The following SPAG6 variants were observed in gnomAD, a reference collection of about 807,000 sequenced individuals.
The protein encoded by SPAG6 is sperm associated antigen 6.
In SPAG6, 49 loss-of-function variants were observed where a neutral mutation model predicts 58.5. That is an observed-to-expected ratio of 0.84 (90% confidence interval 0.67 to 1.06). The LOEUF is 1.06. Among genes scored for constraint, SPAG6 ranks in the 50% least tolerant of loss-of-function variants. SPAG6 has a pLI of 0.00. For synonymous variants in SPAG6, 233 were observed against 225.6 expected (o/e 1.03, Z -0.29); for missense variants, 560 against 611.3 (o/e 0.92, Z 0.89).
chr10:22,410,815 T>C (rs1348349323), intron 9 of SPAG6, among the ~76,000 whole-genome samples: 1 of 152,192 alleles, frequency 6.6e-6, no homozygotes, highest in Non-Finnish European at 1.5e-5. Flanking sequence ...CCTTTGCCCA[T>C]GTTCATTGCC....
intron 5 of SPAG6, 36 bp from the exon 6 acceptor site, chr10:22,387,787 G>C (rs1160205504): frequency 6.3e-7 from 1 of 1,582,024 alleles, no homozygotes; most frequent in Admixed American, 1.9e-5. Flanking sequence ...ATGCTATATA[G>C]TGTTTTGTTG....
chr10:22,387,779 G>A (rs745733893), intron 5 of SPAG6, 44 bp from the exon 6 acceptor site: 2 of 1,565,126 alleles, frequency 1.3e-6, no homozygotes, highest in South Asian at 2.4e-5. Flanking sequence ...TGTAGTGGAT[G>A]CTATATAGTG....
At chr10:22,391,398 A>G (rs1052935538) in intron 7 of SPAG6, among the ~76,000 whole-genome samples, 5 of 152,218 alleles carry the variant, frequency 3.3e-5, no homozygotes, top group Non-Finnish European at 5.9e-5. Context: ...AAAATTCTAA[A>G]CATTTTTATT....
chr10:22,369,041 G>T (rs1007363620), intron 4 of SPAG6, among the ~76,000 whole-genome samples: 8 of 152,102 alleles, frequency 5.3e-5, no homozygotes, highest in Non-Finnish European at 4.4e-5. Context: ...AATTACTTTT[G>T]CATTAACCTA....
rs1239955554 is a variant in SPAG6 at position 22,389,275 on chromosome 10, A to G, written c.968A>G (p.His323Arg). 3.1e-6 allele frequency: 5 copies of G among 1,612,484 alleles called. No homozygotes were observed. The highest frequency in any genetic ancestry group is 4.2e-6 in the Non-Finnish European group (5 of 1,179,658). Residue 323 changes from histidine to arginine, a missense_variant, in exon 7 of 11, where the codon CAT becomes CGT. Physicochemically the swap from His to Arg is conservative, Grantham distance 29 (BLOSUM62 0). Coordinates refer to ENST00000376624, the MANE Select transcript of SPAG6 (RefSeq NM_012443.4). Reference protein sequence around the residue: ...GIMMLGYVAAHSENLAMAVII... With the variant: ...GIMMLGYVAARSENLAMAVII... Reference sequence around the variant, plus strand: ...ATGATGCTTGGTTATGTAGCAGCTCATTCTGAGAACCTAGCAATGGCAGTC... The same window carrying G: ...ATGATGCTTGGTTATGTAGCAGCTCGTTCTGAGAACCTAGCAATGGCAGTC...
At chr10:22,372,257 T>C (rs1833716318) in intron 4 of SPAG6, among the ~76,000 whole-genome samples, 1 of 152,238 alleles carries the variant, frequency 6.6e-6, no homozygotes, top group African/African-American at 2.4e-5. Context: ...AAAAAGTTTG[T>C]ATAAATTTAA....
chr10:22,414,137 G>C (rs534701747), intron 10 of SPAG6, among the ~76,000 whole-genome samples: 3 of 152,172 alleles, frequency 2.0e-5, no homozygotes, highest in Non-Finnish European at 2.9e-5. Context: ...TGCCTCAGCT[G>C]GGGTGGGGAA....
chr10:22,405,285 G>C (rs1201505655), intron 9 of SPAG6, among the ~76,000 whole-genome samples: 4 of 151,846 alleles, frequency 2.6e-5, no homozygotes, highest in African/African-American at 2.4e-5. Flanking sequence ...GTCATAGATA[G>C]CTCTTATTAT....
chr10:22,392,794 C>T (rs951846812), intron 8 of SPAG6, among the ~76,000 whole-genome samples: 1 of 152,016 alleles, frequency 6.6e-6, no homozygotes, highest in African/African-American at 2.4e-5. Context: ...ACTTAAGGGA[C>T]TCTGAAAGTT....
chr10:22,402,367 CTA>C (rs1834436644), intron 9 of SPAG6, among the ~76,000 whole-genome samples: 1 of 152,114 alleles, frequency 6.6e-6, no homozygotes, highest in Admixed American at 6.6e-5. Flanking sequence ...TCTTCATACA[CTA>C]TGTTTCTACA....
intron 8 of SPAG6, among the ~76,000 whole-genome samples, chr10:22,396,639 T>C (rs1473446920): frequency 2.0e-5 from 3 of 152,228 alleles, no homozygotes; most frequent in Admixed American, 6.5e-5. Flanking sequence ...ATTGAAATTG[T>C]ATTGGTTTCC....
intron 10 of SPAG6, chr10:22,411,390 A>G: frequency 2.3e-6 from 1 of 433,868 alleles, no homozygotes. Context: ...AATGTCATTT[A>G]AGACATTTTT....
At chr10:22,415,614 C>T (rs114451488) in intron 10 of SPAG6, among the ~76,000 whole-genome samples, 69 of 152,146 alleles carry the variant, frequency 4.5e-4, no homozygotes, top group African/African-American at 1.3e-3. Flanking sequence ...GAAAATATGG[C>T]TGTATTTTTT....
At chr10:22,351,144 G>A (rs749704123) in intron 2 of SPAG6, among the ~76,000 whole-genome samples, 21 of 152,172 alleles carry the variant, frequency 1.4e-4, no homozygotes, top group Non-Finnish European at 2.5e-4. Context: ...GGAAAATTTG[G>A]TGGCTTTGGA....
intron 2 of SPAG6, among the ~76,000 whole-genome samples, chr10:22,358,903 C>T (rs1044202527): frequency 6.6e-6 from 1 of 152,100 alleles, no homozygotes; most frequent in South Asian, 2.1e-4. Context: ...GAAATTTTAT[C>T]TAATTCTCAC....
At chr10:22,353,394 G>A (rs1836784365) in intron 2 of SPAG6, among the ~76,000 whole-genome samples, 1 of 152,236 alleles carries the variant, frequency 6.6e-6, no homozygotes, top group South Asian at 2.1e-4. Flanking sequence ...TTAAAATAGA[G>A]TTTTGTCTAT....
chr10:22,368,186 CT>C (rs1588645034), intron 3 of SPAG6, among the ~76,000 whole-genome samples: 1 of 152,126 alleles, frequency 6.6e-6, no homozygotes, highest in East Asian at 1.9e-4. Context: ...TACATAAAAT[CT>C]CGTTATTTTA....
At chr10:22,358,046 C>T (rs1263995883) in intron 2 of SPAG6, among the ~76,000 whole-genome samples, 3 of 151,940 alleles carry the variant, frequency 2.0e-5, no homozygotes, top group East Asian at 1.9e-4. Flanking sequence ...AATAAACATA[C>T]GTGTGCATGT....
intron 2 of SPAG6, among the ~76,000 whole-genome samples, chr10:22,355,663 T>C (rs2132035339): frequency 6.6e-6 from 1 of 152,320 alleles, no homozygotes; most frequent in South Asian, 2.1e-4. Context: ...GATAACACCC[T>C]AAATCACAAT....
Sources: gnomAD v4.1 joint callset for allele counts (sites outside exome capture counted in the v4.1 genomes callset) on GRCh38, gnomAD v4.1.1 for gene constraint, MANE v1.5 for transcripts, NCBI Gene and HGNC (gene_info 2026-07-23, HGNC 2026-07-21) for gene names.